Variants in DLGAP2 observed in about 807,000 individuals in gnomAD.
DLGAP2 encodes the protein disks large-associated protein 2.
A neutral mutation model predicts 100.3 loss-of-function variants in DLGAP2; 26 were observed. That is an observed-to-expected ratio of 0.26 (90% CI 0.19 to 0.36). The LOEUF (loss-of-function observed/expected upper bound fraction) is 0.36, where lower values mean the gene tolerates loss of function less well. Ranked by LOEUF, DLGAP2 falls within the 10% of genes least tolerant of loss-of-function variation. The pLI is 1.00. For synonymous variants in DLGAP2, 886 were observed against 630.1 expected, an observed-to-expected ratio of 1.41 and a Z score of -6.08; for missense variants, 1,858 against 1,453.2, an observed-to-expected ratio of 1.28 and a Z score of -4.53.
intron 6 of DLGAP2, among the ~76,000 whole-genome samples, chr8:1,597,394 A>G (rs1554505639): frequency 2.0e-5 from 3 of 146,636 alleles, no homozygotes; most frequent in East Asian, 4.2e-4. Flanking sequence ...TTTTTTCCTA[A>G]TTCTGTGAAG....
intron 3 of DLGAP2, among the ~76,000 whole-genome samples, chr8:1,413,199 C>T (rs1236890681): frequency 1.3e-5 from 2 of 152,170 alleles, no homozygotes; most frequent in Non-Finnish European, 2.9e-5. Context: ...CTCTCTGTAG[C>T]ACCTTTGTAT....
At chr8:1,317,480 A>C (rs1800785451) in intron 3 of DLGAP2, among the ~76,000 whole-genome samples, 7 of 140,020 alleles carry the variant, frequency 5.0e-5, no homozygotes, top group African/African-American at 8.5e-5. Flanking sequence ...GCGTCTCTCC[A>C]ACAGTGGTCT....
chr8:937,992 C>T (rs976233490), intron 2 of DLGAP2, among the ~76,000 whole-genome samples: 1 of 152,172 alleles, frequency 6.6e-6, no homozygotes, highest in Non-Finnish European at 1.5e-5. Context: ...TTCTTACTCT[C>T]ATATCAGGAC....
In DLGAP2 at chr8:1,325,200, G is replaced by C. The variant is rs561495316; in HGVS notation, c.106+66317G>C. Among the ~76,000 whole-genome samples the C allele has an allele frequency of 5.3e-5, 8 of 152,254 alleles. No homozygotes were observed. In the East Asian group the frequency reaches 9.7e-4, roughly 18 times the overall value. Reference sequence around the variant, plus strand: ...TGTAGCGGATGGTCTTCTCAGCGAGGCTGTCCTGAGATGTTCAATGTCGCA... The same window carrying C: ...TGTAGCGGATGGTCTTCTCAGCGAGCCTGTCCTGAGATGTTCAATGTCGCA... On this transcript the variant is annotated intron_variant, in intron 3 of 14. Coordinates refer to ENST00000637795, the MANE Select transcript of DLGAP2 (RefSeq NM_001346810.2).
intron 2 of DLGAP2, among the ~76,000 whole-genome samples, chr8:981,115 G>A (rs1030132495): frequency 6.6e-6 from 1 of 152,046 alleles, no homozygotes; most frequent in Non-Finnish European, 1.5e-5. Context: ...GTAACCTACT[G>A]TCTGTCTCTC....
At chr8:1,451,768 A>G (rs963534861) in intron 3 of DLGAP2, among the ~76,000 whole-genome samples, 7 of 152,086 alleles carry the variant, frequency 4.6e-5, no homozygotes, top group African/African-American at 1.7e-4. Flanking sequence ...AACGACTCCC[A>G]CATCTTCCTG....
At chr8:804,277 T>C (rs1379622498) in intron 1 of DLGAP2, among the ~76,000 whole-genome samples, 1 of 152,226 alleles carries the variant, frequency 6.6e-6, no homozygotes, top group Non-Finnish European at 1.5e-5. Flanking sequence ...AAGGAGACTG[T>C]TTTCGTCTGT....
At chr8:783,970 T>A (rs1056262411) in intron 1 of DLGAP2, among the ~76,000 whole-genome samples, 4 of 152,214 alleles carry the variant, frequency 2.6e-5, no homozygotes, top group Admixed American at 6.5e-5. Flanking sequence ...TGCTCAGTGA[T>A]TTCTGAAGGA....
intron 1 of DLGAP2, among the ~76,000 whole-genome samples, chr8:746,481 C>T (rs1820621434): frequency 6.6e-6 from 1 of 152,188 alleles, no homozygotes. Context: ...GAGCTGGGGG[C>T]GCAGCCTCCA....
chr8:1,462,548 G>A lies in DLGAP2; in HGVS notation c.107-38818G>A, dbSNP rs190301420. Among the ~76,000 whole-genome samples, 219 of 151,642 alleles carry A rather than the reference G, an allele frequency of 1.4e-3. 8 individuals are homozygous for A. The highest frequency in any genetic ancestry group is 5.2e-3 in the African/African-American group (214 of 41,356). On this transcript the variant is annotated intron_variant, in intron 3 of 14. Transcript: ENST00000637795. ...CTGATTTGGTGGCCAGGAGGAGGGA[G>A]AAGGGCGGTGTTCAGGTTGGGAGAA... is the stretch of plus-strand genomic sequence containing the variant.
chr8:1,340,310 T>C (rs1228371109), intron 3 of DLGAP2, among the ~76,000 whole-genome samples: 1 of 152,186 alleles, frequency 6.6e-6, no homozygotes, highest in Non-Finnish European at 1.5e-5. Context: ...ACCTACAGAA[T>C]GGGAGAAAAT....
chr8:1,317,301 CTTTTAAAAATA>C (rs1800779633), intron 3 of DLGAP2, among the ~76,000 whole-genome samples: 1 of 136,044 alleles, frequency 7.4e-6, no homozygotes, highest in Non-Finnish European at 1.6e-5. Flanking sequence ...AACTCGGCAG[CTTTTAAAAATA>C]GAGGCTGTGC....
chr8:1,683,557 A>T (rs778019939), intron 12 of DLGAP2, among the ~76,000 whole-genome samples: 6 of 151,100 alleles, frequency 4.0e-5, no homozygotes, highest in Non-Finnish European at 8.9e-5. Context: ...TGAAGTGGCC[A>T]CATTTGACAT....
chr8:1,139,255 C>G (rs566125165), intron 2 of DLGAP2, among the ~76,000 whole-genome samples: 1 of 152,232 alleles, frequency 6.6e-6, no homozygotes, highest in Non-Finnish European at 1.5e-5. Flanking sequence ...CCCCTGTGTT[C>G]TCTGCCAACA....
intron 2 of DLGAP2, among the ~76,000 whole-genome samples, chr8:1,111,788 T>A (rs1175746506): frequency 6.6e-6 from 1 of 152,256 alleles, no homozygotes; most frequent in Non-Finnish European, 1.5e-5. Flanking sequence ...TACCACATTC[T>A]CTATATTCAG....
chr8:1,348,177 G>A (rs1399753265), intron 3 of DLGAP2, among the ~76,000 whole-genome samples: 3 of 151,838 alleles, frequency 2.0e-5, no homozygotes, highest in Non-Finnish European at 4.4e-5. Context: ...TGGTAGCTGT[G>A]TAGAGGTTGA....
intron 3 of DLGAP2, among the ~76,000 whole-genome samples, chr8:1,421,208 G>C (rs1035461584): frequency 2.6e-5 from 4 of 152,204 alleles, no homozygotes; most frequent in South Asian, 2.1e-4. Flanking sequence ...TCTAACATCT[G>C]AGTGTTTCAT....
intron 2 of DLGAP2, among the ~76,000 whole-genome samples, chr8:1,114,999 G>A (rs1805073078): frequency 6.6e-6 from 1 of 152,156 alleles, no homozygotes; most frequent in Non-Finnish European, 1.5e-5. Context: ...GTAATTTCAT[G>A]GTTTTGAGTG....
Position 1,441,624 on chromosome 8 carries a change from G to A in DLGAP2, c.107-59742G>A, listed in dbSNP as rs58447221. On this transcript the variant is annotated intron_variant, in intron 3 of 14. Coordinates refer to ENST00000637795, the MANE Select transcript of DLGAP2 (RefSeq NM_001346810.2). ...AATCGCTTGAGCCCAGGAGGCGGAG[G>A]TTGCAGTGAGCCGAGATCACACCAC... 5.6e-3 allele frequency among the ~76,000 whole-genome samples: 829 copies of A among 148,250 alleles called. 6 individuals carry two copies. Among genetic ancestry groups the A allele is most frequent in the Non-Finnish European group, 9.1e-3 (609 of 67,186 alleles).
Sources: gnomAD v4.1 joint callset for allele counts (sites outside exome capture counted in the v4.1 genomes callset) on GRCh38, gnomAD v4.1.1 for gene constraint, MANE v1.5 for transcripts, NCBI Gene and HGNC (gene_info 2026-07-23, HGNC 2026-07-21) for gene names.